SOX5: variants seen among roughly 807,000 people sequenced by gnomAD.
SOX5 encodes the protein transcription factor SOX-5.
SOX5 carries 9 observed loss-of-function variants against 92.0 expected under a neutral mutation model. The ratio of observed to expected loss-of-function variants is 0.10; its 90% CI spans 0.06 to 0.17. The LOEUF is 0.17. Ranked by LOEUF, SOX5 falls within the 10% of genes least tolerant of loss-of-function variation. The pLI, the probability that SOX5 is intolerant of heterozygous loss-of-function variation, is 1.00. For synonymous variants in SOX5, 344 were observed against 336.3 expected, an observed-to-expected ratio of 1.02 and a Z score of -0.25; for missense variants, 642 against 944.5, an observed-to-expected ratio of 0.68 and a Z score of 4.20.
chr12:23,855,910 C>T (rs1345563331), intron 2 of SOX5, among the ~76,000 whole-genome samples: 1 of 152,044 alleles, frequency 6.6e-6, no homozygotes, highest in African/African-American at 2.4e-5. Context: ...GAGCTAAAGA[C>T]CTATTTTTCT....
chr12:24,475,345 T>A (rs1461529432), intron 1 of SOX5, among the ~76,000 whole-genome samples: 1 of 152,202 alleles, frequency 6.6e-6, no homozygotes, highest in Non-Finnish European at 1.5e-5. Context: ...ATGGTTCAAG[T>A]CTCTCCCTTA....
At chr12:23,900,870 G>T (rs941505132) in intron 1 of SOX5, among the ~76,000 whole-genome samples, 1 of 152,052 alleles carries the variant, frequency 6.6e-6, no homozygotes, top group African/African-American at 2.4e-5. Flanking sequence ...TGAGGCAGGG[G>T]AATCACTTGA....
At chr12:24,356,060 G>T (rs1330302366) in intron 2 of SOX5, among the ~76,000 whole-genome samples, 3 of 152,092 alleles carry the variant, frequency 2.0e-5, no homozygotes, top group Non-Finnish European at 2.9e-5. Flanking sequence ...CATAAAAGTG[G>T]ACATTTTTAT....
intron 3 of SOX5, among the ~76,000 whole-genome samples, chr12:23,794,853 A>G (rs1245148063): frequency 6.6e-6 from 1 of 152,150 alleles, no homozygotes; most frequent in African/African-American, 2.4e-5. Context: ...TCTTAGTCAA[A>G]TAAGTCACAT....
intron 4 of SOX5, among the ~76,000 whole-genome samples, chr12:24,167,972 C>T (rs148780656): frequency 2.6e-5 from 4 of 152,350 alleles, no homozygotes; most frequent in Non-Finnish European, 2.9e-5. Flanking sequence ...AAAGCACAGA[C>T]TGCCATCTCT....
intron 4 of SOX5, among the ~76,000 whole-genome samples, chr12:24,030,261 A>G (rs78497431): frequency 0.028 from 4,312 of 152,076 alleles, 87 homozygotes; most frequent in Admixed American, 0.049. Context: ...CAAAAAGAAC[A>G]TACTGAAAGC....
At chr12:23,653,235 T>C (rs2081909666) in intron 7 of SOX5, among the ~76,000 whole-genome samples, 1 of 152,080 alleles carries the variant, frequency 6.6e-6, no homozygotes, top group Non-Finnish European at 1.5e-5. Context: ...TCTTAACACT[T>C]AGCTGTTTAT....
At chr12:24,199,119 G>A (rs1957283691) in intron 4 of SOX5, among the ~76,000 whole-genome samples, 1 of 152,184 alleles carries the variant, frequency 6.6e-6, no homozygotes, top group Admixed American at 6.5e-5. Flanking sequence ...TGAGGATTGT[G>A]GTAAGGATGC....
At chr12:23,569,348 C>T (rs1178642157) in intron 10 of SOX5, among the ~76,000 whole-genome samples, 1 of 152,090 alleles carries the variant, frequency 6.6e-6, no homozygotes, top group Non-Finnish European at 1.5e-5. Flanking sequence ...AAAATAATTC[C>T]ATGTATAAGT....
chr12:23,605,034 G>A lies in SOX5; in HGVS notation c.1018-501C>T, dbSNP rs200899381. ...CAGAAAAGGCACTGAAAGGCAACGG[G>A]AAAAAAGTACTTGAAGAAGATTATC... On this transcript the variant is annotated intron_variant, in intron 8 of 14. Coordinates refer to ENST00000451604, the MANE Select transcript of SOX5 (RefSeq NM_006940.6). Among the ~76,000 whole-genome samples, 716 of 151,892 alleles carry A rather than the reference G, an allele frequency of 4.7e-3. 7 individuals carry two copies. The highest frequency in any genetic ancestry group is 0.016 in the African/African-American group (669 of 41,406).
At chr12:24,094,367 T>C (rs1234051786) in intron 4 of SOX5, among the ~76,000 whole-genome samples, 6 of 152,216 alleles carry the variant, frequency 3.9e-5, no homozygotes, top group Non-Finnish European at 7.3e-5. Context: ...GTTTTGCTAT[T>C]ATGTTGTCTT....
intron 1 of SOX5, among the ~76,000 whole-genome samples, chr12:24,470,672 A>G (rs891807094): frequency 6.6e-6 from 1 of 152,192 alleles, no homozygotes; most frequent in East Asian, 1.9e-4. Context: ...AGTCCCTTAC[A>G]ATGAGTATTA....
intron 4 of SOX5, among the ~76,000 whole-genome samples, chr12:24,086,172 TAAGG>T (rs890197700): frequency 2.9e-4 from 44 of 151,986 alleles, no homozygotes; most frequent in African/African-American, 9.4e-4. Context: ...ATTTGGCTGT[TAAGG>T]GAGGGGAAAA....
At chr12:24,058,383 T>G (rs956575826) in intron 4 of SOX5, among the ~76,000 whole-genome samples, 1 of 152,242 alleles carries the variant, frequency 6.6e-6, no homozygotes, top group African/African-American at 2.4e-5. Context: ...TCTGAAACCC[T>G]GGACACAATG....
At chr12:23,839,613 A>T (rs1169327073) in intron 3 of SOX5, among the ~76,000 whole-genome samples, 15 of 152,176 alleles carry the variant, frequency 9.9e-5, no homozygotes, top group Admixed American at 9.2e-4. Flanking sequence ...ATCAAATCCA[A>T]CAATCTATCA....
At chr12:23,835,073 CT>C (rs2096390578) in intron 3 of SOX5, among the ~76,000 whole-genome samples, 1 of 151,814 alleles carries the variant, frequency 6.6e-6, no homozygotes, top group African/African-American at 2.4e-5. Context: ...CTCAATTTAA[CT>C]GCTGATCCAC....
chr12:23,990,093 A>T (rs2136248383), intron 4 of SOX5, among the ~76,000 whole-genome samples: 1 of 152,194 alleles, frequency 6.6e-6, no homozygotes, highest in African/African-American at 2.4e-5. Context: ...GAGGGAGTGA[A>T]GATATAAAAA....
At chr12:24,515,094 T>C (rs937199625) in intron 1 of SOX5, among the ~76,000 whole-genome samples, 17 of 152,248 alleles carry the variant, frequency 1.1e-4, no homozygotes, top group African/African-American at 3.9e-4. Context: ...AGATAATGCA[T>C]AGCTGTGTCA....
At position 24,281,605 on chromosome 12, in the gene SOX5, C is replaced by T. The variant is rs555186011; in HGVS notation, c.-173-4293G>A. Among the ~76,000 whole-genome samples the T allele has an allele frequency of 3.6e-4, 55 of 152,308 alleles. No homozygotes were observed. The South Asian group carries it at 0.011, about 31-fold the overall frequency. On this transcript the variant is annotated intron_variant, in intron 2 of 4. Transcript: ENST00000446891. Reference sequence around the variant, plus strand: ...TCACCGCATGCAAATGTGTACCTCGCAGGGCCTGGTAGCTTTTGTTTTAGC... The same window carrying T: ...TCACCGCATGCAAATGTGTACCTCGTAGGGCCTGGTAGCTTTTGTTTTAGC...
Sources: gnomAD v4.1 joint callset for allele counts (sites outside exome capture counted in the v4.1 genomes callset) on GRCh38, gnomAD v4.1.1 for gene constraint, MANE v1.5 for transcripts, NCBI Gene and HGNC (gene_info 2026-07-23, HGNC 2026-07-21) for gene names.